The following DOP1A variants were observed in gnomAD, a reference collection of about 807,000 sequenced individuals.
The protein encoded by DOP1A is protein DOP1A.
A neutral mutation model predicts 267.6 loss-of-function variants in DOP1A; 90 were observed. The observed-to-expected ratio is 0.34, with a 90% CI of 0.28 to 0.40. DOP1A has a LOEUF of 0.40. Among genes scored for constraint, DOP1A ranks in the 10% least tolerant of loss-of-function variants. DOP1A has a pLI of 1.00. For missense variants in DOP1A, 2,437 were observed against 2,900.4 expected (o/e 0.84, Z 3.67); for synonymous variants, 932 against 999.1 (o/e 0.93, Z 1.27).
At chr6:83,126,093 T>C (rs1174555784) in intron 15 of DOP1A, among the ~76,000 whole-genome samples, 1 of 151,150 alleles carries the variant, frequency 6.6e-6, no homozygotes, top group Non-Finnish European at 1.5e-5. Flanking sequence ...TGAGGTAGCT[T>C]ACATGATTTT....
At chr6:83,149,806 G>A (rs1446286600) in intron 27 of DOP1A, among the ~76,000 whole-genome samples, 2 of 152,118 alleles carry the variant, frequency 1.3e-5, no homozygotes, top group Non-Finnish European at 2.9e-5. Flanking sequence ...GATAGAAAGG[G>A]AAGTATCAAA....
chr6:83,074,078 A>G (rs1237326810), intron 1 of DOP1A, among the ~76,000 whole-genome samples: 1 of 152,328 alleles, frequency 6.6e-6, no homozygotes, highest in South Asian at 2.1e-4. Context: ...GTGAATATCT[A>G]TCTAAATCGT....
At position 83,109,054 on chromosome 6, in the gene DOP1A, A is replaced by G; in HGVS notation, c.465A>G (p.Leu155=). The G allele has an allele frequency of 6.2e-7, 1 of 1,613,408 alleles. No individual in the cohort carries two copies. Among genetic ancestry groups the G allele is most frequent in the Non-Finnish European group, 8.5e-7 (1 of 1,179,840 alleles). Residue 155 remains leucine (L), a synonymous_variant, in exon 5 of 39, where the codon TTA becomes TTG. Transcript: ENST00000349129. ...TGCTTACTGGTATTCTTCCTGGCTT[A>G]GAAGAAGGATCAGAGTACTATGAGA... ...QGLLTGILPG[L]EEGSEYYERT... is the part of the protein sequence containing the mutation.
chr6:83,159,913 G>C lies in DOP1A; in HGVS notation c.6915G>C (p.Leu2305Phe), dbSNP rs1783838007. ...LNLYLSACKF[L>F]DLALALPSEN... ...TCTATCTCTCTGCTTGCAAATTTTT[G>C]GATTTGGCTCTCGCATTGCCCTCTG... The change falls in exon 37 of 39, where the codon TTG (leucine) becomes TTC (phenylalanine). Residue 2305 changes from leucine to phenylalanine, a missense_variant. Transcript: ENST00000349129. 1 of 1,613,918 alleles carries C rather than the reference G, an allele frequency of 6.2e-7. No homozygotes were observed. Among genetic ancestry groups the C allele is most frequent in the Non-Finnish European group, 8.5e-7 (1 of 1,180,016 alleles).
chr6:83,159,928 A>G lies in DOP1A; in HGVS notation c.6930A>G (p.Ala2310=). 2.5e-6 allele frequency: 4 copies of G among 1,614,134 alleles called. No individual in the cohort carries two copies. Among genetic ancestry groups the G allele is most frequent in the Non-Finnish European group, 3.4e-6 (4 of 1,180,016 alleles). The part of the protein sequence containing the change: ...SACKFLDLAL[A]LPSENLPQFQ... ...GCAAATTTTTGGATTTGGCTCTCGC[A>G]TTGCCCTCTGAAAACCTTCCTCAGT... Residue 2310 remains alanine (A), a synonymous_variant, in exon 37 of 39, where the codon GCA becomes GCG. Coordinates refer to ENST00000349129, the MANE Select transcript of DOP1A (RefSeq NM_015018.4).
chr6:83,087,823 CA>C (rs1014242632), intron 1 of DOP1A, among the ~76,000 whole-genome samples: 28 of 152,250 alleles, frequency 1.8e-4, no homozygotes, highest in African/African-American at 6.3e-4. Context: ...GGCGACAGGA[CA>C]AGCTTTGGGG....
Position 83,107,150 on chromosome 6 carries a change from G to T in DOP1A, c.321-1760G>T, listed in dbSNP as rs117471885. 3.9e-4 allele frequency among the ~76,000 whole-genome samples: 60 copies of T among 152,074 alleles called. No individual in the cohort carries two copies. The East Asian group carries it at 0.011, about 27-fold the overall frequency. On this transcript the variant is annotated intron_variant, in intron 4 of 38. Coordinates refer to ENST00000349129, the MANE Select transcript of DOP1A (RefSeq NM_015018.4). ...AGTTAGAATAAAGATTTTGGGGTTT[G>T]GTTGTTGCTGTTTTTTTTTCTCGTT...
At chr6:83,100,666 TTTTG>T (rs1402934738) in intron 3 of DOP1A, 35 bp from the exon 4 acceptor site, 2 of 1,329,650 alleles carry the variant, frequency 1.5e-6, no homozygotes, top group African/African-American at 3.0e-5. Context: ...GAATGCAATA[TTTTG>T]TTTTTCTCAA....
At chr6:83,142,138 T>TG in intron 24 of DOP1A, 92 bp downstream of exon 24, 1 of 1,446,134 alleles carries the variant, frequency 6.9e-7, no homozygotes, top group Non-Finnish European at 9.4e-7. Context: ...GGGGCCGGGG[T>TG]AGATTCGAGT....
chr6:83,100,831 A>G lies in DOP1A; in HGVS notation c.265A>G (p.Ile89Val). ...VHRKALETYE[I>V]IFKIIGPKRL... ...TCGGAAGGCGCTTGAAACATATGAA[A>G]TTATCTTCAAAATAATTGGACCTAA... is the stretch of plus-strand genomic sequence containing the variant. Residue 89 changes from isoleucine to valine, a missense_variant, in exon 4 of 39, where the codon ATT becomes GTT. Around this residue, in one of 9 missense-constraint regions of DOP1A, gnomAD observed 251 missense variants for 359.1 expected, o/e 0.70. Transcript: ENST00000349129. 6.3e-7 allele frequency: 1 copy of G among 1,585,316 alleles called. No individual in the cohort carries two copies. Among genetic ancestry groups the G allele is most frequent in the Non-Finnish European group, 8.6e-7 (1 of 1,164,222 alleles).
At chr6:83,142,403 G>C (rs867483194) in intron 24 of DOP1A, among the ~76,000 whole-genome samples, 1 of 152,114 alleles carries the variant, frequency 6.6e-6, no homozygotes, top group Non-Finnish European at 1.5e-5. Context: ...AGGTACTCGG[G>C]AGGCTGAGGC....
intron 37 of DOP1A, among the ~76,000 whole-genome samples, chr6:83,162,029 A>G (rs566775088): frequency 2.2e-4 from 34 of 152,316 alleles, no homozygotes; most frequent in Admixed American, 1.4e-3. Context: ...CAAATAAATT[A>G]TATCAAAAAT....
downstream of DOP1A, chr6:83,168,975 G>A (rs1786475352): frequency 8.1e-7 from 1 of 1,234,514 alleles, no homozygotes; most frequent in Non-Finnish European, 1.0e-6. Flanking sequence ...TGTACAGTTA[G>A]TGACTGAATT....
intron 24 of DOP1A, among the ~76,000 whole-genome samples, chr6:83,144,001 T>A (rs141116581): frequency 0.018 from 2,767 of 152,244 alleles, 49 homozygotes; most frequent in Admixed American, 0.06. Flanking sequence ...ATGAGATTTG[T>A]TAACAGCAAC....
intron 4 of DOP1A, among the ~76,000 whole-genome samples, chr6:83,107,534 A>T (rs1013257587): frequency 1.3e-5 from 2 of 152,254 alleles, no homozygotes; most frequent in African/African-American, 2.4e-5. Flanking sequence ...AGAAATAAAA[A>T]TATAGTCATG....
Position 83,071,895 on chromosome 6 carries a change from A to G in DOP1A, c.-147+4116A>G, listed in dbSNP as rs147954632. Among the ~76,000 whole-genome samples, 582 of 152,296 alleles carry G rather than the reference A, an allele frequency of 3.8e-3. 3 individuals carry two copies. The highest frequency in any genetic ancestry group is 0.014 in the African/African-American group (562 of 41,576). ...ACAAGTGGGAACCTGTTATATGACA[A>G]AGTGATGACTGTTGATTCAGGAGTG... On this transcript the variant is annotated intron_variant, in intron 1 of 38. Coordinates refer to ENST00000349129, the MANE Select transcript of DOP1A (RefSeq NM_015018.4).
chr6:83,148,700 C>T, intron 26 of DOP1A, 59 bp from the exon 27 acceptor site: 3 of 1,168,856 alleles, frequency 2.6e-6, no homozygotes, highest in Non-Finnish European at 2.4e-6. Context: ...GAATGTTCCA[C>T]AAACTAGTAG....
rs1198453061 is a variant in DOP1A, at chr6:83,124,836, A to T, written c.1455+17A>T. ...GTTTCTTTGGTAAGACCACCTTGGT[A>T]AGAAAATATCAAGGAAATCGAATAA... On this transcript the variant is annotated intron_variant, in intron 13 of 38. Coordinates refer to ENST00000349129, the MANE Select transcript of DOP1A (RefSeq NM_015018.4). 4.4e-6 allele frequency: 7 copies of T among 1,576,204 alleles called. No individual in the cohort carries two copies. In the African/African-American group the frequency reaches 8.1e-5, roughly 18 times the overall value.
At chr6:83,099,014 G>A (rs1289567683) in intron 3 of DOP1A, among the ~76,000 whole-genome samples, 3 of 152,048 alleles carry the variant, frequency 2.0e-5, no homozygotes, top group South Asian at 2.1e-4. Context: ...GGCCAGCTCC[G>A]AGACAGGGGA....
Sources: gnomAD v4.1 joint callset for allele counts (sites outside exome capture counted in the v4.1 genomes callset) on GRCh38, gnomAD v4.1.1 for gene constraint, gnomAD v4.1.1 regional missense constraint, MANE v1.5 for transcripts, NCBI Gene and HGNC (gene_info 2026-07-23, HGNC 2026-07-21) for gene names.